PKNOX2: variants seen among roughly 807,000 people sequenced by gnomAD.
PKNOX2 encodes the protein homeobox protein PKNOX2.
PKNOX2 carries 14 observed loss-of-function variants against 53.1 expected under a neutral mutation model. The observed-to-expected ratio is 0.26, with a 90% CI of 0.17 to 0.41. The LOEUF (loss-of-function observed/expected upper bound fraction) is 0.41, where lower values mean the gene tolerates loss of function less well. PKNOX2 is among the 10% of genes least tolerant of loss of function. The pLI is 1.00. For missense variants in PKNOX2, 496 were observed against 602.8 expected (o/e 0.82, Z 1.85); for synonymous variants, 257 against 242.8 (o/e 1.06, Z -0.54).
At chr11:125,260,085 T>C (rs970246714) in intron 2 of PKNOX2, among the ~76,000 whole-genome samples, 1 of 151,992 alleles carries the variant, frequency 6.6e-6, no homozygotes, top group Non-Finnish European at 1.5e-5. Flanking sequence ...GCTATGTTGC[T>C]CAGGCTGGTT....
chr11:125,191,826 T>C (rs1291042170), intron 1 of PKNOX2, among the ~76,000 whole-genome samples: 1 of 152,226 alleles, frequency 6.6e-6, no homozygotes, highest in East Asian at 1.9e-4. Context: ...TGCTGTTATA[T>C]ATCCTTTTCA....
At chr11:125,346,787 C>CAGGAAGGGAGGA (rs143975046) in intron 3 of PKNOX2, among the ~76,000 whole-genome samples, 10,440 of 141,010 alleles carry the variant, frequency 0.074, 532 homozygotes, top group African/African-American at 0.17. Context: ...GAAGAAGGGA[C>CAGGAAGGGAGGA]AGGAAGGGAG....
intron 4 of PKNOX2, among the ~76,000 whole-genome samples, chr11:125,354,664 C>T (rs1591539597): frequency 6.6e-6 from 1 of 152,172 alleles, no homozygotes; most frequent in Non-Finnish European, 1.5e-5. Context: ...TTCCCAAGCC[C>T]CGGACCTTCT....
At chr11:125,253,422 G>A (rs939955021) in intron 2 of PKNOX2, among the ~76,000 whole-genome samples, 1 of 152,134 alleles carries the variant, frequency 6.6e-6, no homozygotes, top group Non-Finnish European at 1.5e-5. Flanking sequence ...AGCCTGTTTG[G>A]GTGTGAGTGA....
At chr11:125,427,277 C>G (rs1292244698) in intron 10 of PKNOX2, among the ~76,000 whole-genome samples, 1 of 152,218 alleles carries the variant, frequency 6.6e-6, no homozygotes, top group African/African-American at 2.4e-5. Context: ...TCCTGTAATG[C>G]TGATGTGCCT....
intron 1 of PKNOX2, among the ~76,000 whole-genome samples, chr11:125,198,450 C>G (rs575272843): frequency 6.6e-6 from 1 of 152,182 alleles, no homozygotes; most frequent in African/African-American, 2.4e-5. Flanking sequence ...GACAATTTCT[C>G]CTTTTGAAAC....
intron 8 of PKNOX2, 147 bp downstream of exon 8, chr11:125,410,472 A>G (rs1955439887): frequency 1.7e-6 from 2 of 1,175,418 alleles, no homozygotes; most frequent in Non-Finnish European, 2.3e-6. Flanking sequence ...CTGTAAGTTT[A>G]TAGACGGTTA....
intron 1 of PKNOX2, among the ~76,000 whole-genome samples, chr11:125,231,425 G>A (rs139880629): frequency 1.1e-4 from 16 of 152,164 alleles, no homozygotes; most frequent in South Asian, 2.1e-4. Flanking sequence ...AATGTGAATC[G>A]CCAATCTCAT....
chr11:125,346,341 C>A (rs1397692381), intron 3 of PKNOX2, among the ~76,000 whole-genome samples: 2 of 152,204 alleles, frequency 1.3e-5, no homozygotes, highest in Non-Finnish European at 2.9e-5. Context: ...ACAATCCAAC[C>A]CTTTCCGTTC....
chr11:125,263,485 T>A (rs899080543), intron 2 of PKNOX2, among the ~76,000 whole-genome samples: 7 of 152,194 alleles, frequency 4.6e-5, no homozygotes, highest in Non-Finnish European at 5.9e-5. Flanking sequence ...TGGGGGAGCG[T>A]GCTAAACCTC....
In PKNOX2 at chr11:125,177,924, G is replaced by T. The variant is rs372586351; in HGVS notation, c.-201+13148G>T. ...GCATCAAGGAGGGCTGTGAAGCAGA[G>T]AATCTTTGTAATAGGGAGTAGGAAG... On this transcript the variant is annotated intron_variant, in intron 1 of 12. Coordinates refer to ENST00000298282, the MANE Select transcript of PKNOX2 (RefSeq NM_001382323.2). Among the ~76,000 whole-genome samples the T allele has an allele frequency of 2.6e-5, 4 of 152,242 alleles. No homozygotes were observed. In the South Asian group the frequency reaches 6.2e-4, roughly 24 times the overall value.
At chr11:125,222,382 T>G (rs1941236499) in intron 1 of PKNOX2, among the ~76,000 whole-genome samples, 1 of 152,208 alleles carries the variant, frequency 6.6e-6, no homozygotes, top group African/African-American at 2.4e-5. Context: ...TTTTTCTTGG[T>G]GGAGCAGTTT....
intron 1 of PKNOX2, among the ~76,000 whole-genome samples, chr11:125,175,131 T>C (rs1439523827): frequency 6.6e-6 from 1 of 151,984 alleles, no homozygotes; most frequent in African/African-American, 2.4e-5. Flanking sequence ...TTCTAGATTG[T>C]AGGGGGAGCC....
At chr11:125,172,495 C>T (rs1049569235) in intron 1 of PKNOX2, among the ~76,000 whole-genome samples, 4 of 152,076 alleles carry the variant, frequency 2.6e-5, no homozygotes, top group Non-Finnish European at 4.4e-5. Context: ...TCAGGGTGAT[C>T]GGGATGGTGG....
At chr11:125,244,693 G>C (rs1943428022) in intron 2 of PKNOX2, among the ~76,000 whole-genome samples, 1 of 152,216 alleles carries the variant, frequency 6.6e-6, no homozygotes, top group Admixed American at 6.5e-5. Flanking sequence ...AATTAAATTA[G>C]TGCAAACATC....
rs1952441708 is a variant in PKNOX2, at chr11:125,370,038, G to C, written c.227+2053G>C. On this transcript the variant is annotated intron_variant, in intron 5 of 12. Coordinates refer to ENST00000298282, the MANE Select transcript of PKNOX2 (RefSeq NM_001382323.2). This position sits in a 1 kb window ranked among gnomAD's most constrained non-coding sequence, Gnocchi z 4.1. Reference sequence around the variant, plus strand: ...ATGCATACTGAAGACTCACCTCGCAGCTGCTCAGACCCCTGGGTCAGGGGC... The same window carrying C: ...ATGCATACTGAAGACTCACCTCGCACCTGCTCAGACCCCTGGGTCAGGGGC... Among the ~76,000 whole-genome samples, 3 of 152,136 alleles carry C rather than the reference G, an allele frequency of 2.0e-5. No homozygotes were observed. Among genetic ancestry groups the C allele is most frequent in the African/African-American group, 7.2e-5 (3 of 41,426 alleles).
intron 6 of PKNOX2, among the ~76,000 whole-genome samples, chr11:125,388,308 C>A (rs1362654474): frequency 6.6e-6 from 1 of 152,110 alleles, no homozygotes; most frequent in Non-Finnish European, 1.5e-5. Context: ...AATCAGCTGC[C>A]AAGTGCCACA....
At position 125,293,900 on chromosome 11, in the gene PKNOX2, G is replaced by A. The variant is rs534998285; in HGVS notation, c.-129-37919G>A. Among the ~76,000 whole-genome samples, 15 of 152,076 alleles carry A rather than the reference G, an allele frequency of 9.9e-5. 1 individual carries two copies. Among genetic ancestry groups the A allele is most frequent in the African/African-American group, 3.6e-4 (15 of 41,478 alleles). Reference sequence around the variant, plus strand: ...TCTCCCTCTTACCGCTTACTCAAATGTCTTCAAAATGGCTGTAGATATTAC... The same window carrying A: ...TCTCCCTCTTACCGCTTACTCAAATATCTTCAAAATGGCTGTAGATATTAC... On this transcript the variant is annotated intron_variant, in intron 2 of 12. Transcript: ENST00000298282.
intron 1 of PKNOX2, among the ~76,000 whole-genome samples, chr11:125,183,793 T>G (rs937419732): frequency 6.6e-6 from 1 of 152,188 alleles, no homozygotes; most frequent in Non-Finnish European, 1.5e-5. Flanking sequence ...TTGACCTTAC[T>G]GAGCTGAGGG....
Sources: allele counts gnomAD v4.1 joint callset (sites outside exome capture counted in the v4.1 genomes callset), GRCh38; gene constraint gnomAD v4.1.1; non-coding constraint Gnocchi (gnomAD v3.1); transcripts MANE v1.5; gene names NCBI Gene and HGNC (gene_info 2026-07-23, HGNC 2026-07-21).